ATP6V1C2: variants seen among roughly 807,000 people sequenced by gnomAD.
ATP6V1C2 encodes V-type proton ATPase subunit C 2.
A neutral mutation model predicts 56.8 loss-of-function variants in ATP6V1C2; 45 were observed. The ratio of observed to expected loss-of-function variants is 0.79; its 90% CI spans 0.62 to 1.02. The LOEUF is 1.02. Among genes scored for constraint, ATP6V1C2 ranks in the 50% least tolerant of loss-of-function variants. The probability of loss-of-function intolerance (pLI) is 0.00; values close to 1 mark genes in which losing one functional copy is unlikely to be tolerated. For synonymous variants in ATP6V1C2, 220 were observed against 201.3 expected, an observed-to-expected ratio of 1.09 and a Z score of -0.79; for missense variants, 463 against 519.7, an observed-to-expected ratio of 0.89 and a Z score of 1.06.
chr2:10,777,514 C>A, intron 10 of ATP6V1C2, 71 bp from the exon 11 acceptor site: 3 of 1,567,926 alleles, frequency 1.9e-6, no homozygotes, highest in Non-Finnish European at 8.6e-7. Context: ...GCCTTTCAGG[C>A]GATGAGAATG....
At chr2:10,724,656 TTCA>T (rs1487050206) in intron 2 of ATP6V1C2, among the ~76,000 whole-genome samples, 1 of 148,854 alleles carries the variant, frequency 6.7e-6, no homozygotes, top group Non-Finnish European at 1.5e-5. Flanking sequence ...ATATTCAGGC[TTCA>T]TCATTTCCTA....
intron 6 of ATP6V1C2, among the ~76,000 whole-genome samples, chr2:10,769,846 C>A (rs1344747038): frequency 6.6e-6 from 1 of 152,122 alleles, no homozygotes; most frequent in Non-Finnish European, 1.5e-5. Flanking sequence ...ATGCTGTTGG[C>A]GGTTCTTTGA....
At chr2:10,781,143 G>A (rs1048327414) in intron 12 of ATP6V1C2, among the ~76,000 whole-genome samples, 1 of 152,144 alleles carries the variant, frequency 6.6e-6, no homozygotes, top group Non-Finnish European at 1.5e-5. Context: ...CTGAGGAAAG[G>A]TTAAGGGCTG....
intron 5 of ATP6V1C2, 23 bp downstream of exon 5, chr2:10,764,448 G>C: frequency 6.2e-7 from 1 of 1,604,104 alleles, no homozygotes; most frequent in South Asian, 1.1e-5. Flanking sequence ...ACTGCTCTGG[G>C]GAACAGCTGA....
chr2:10,760,520 G>A (rs1325300345), intron 4 of ATP6V1C2, among the ~76,000 whole-genome samples: 2 of 152,244 alleles, frequency 1.3e-5, no homozygotes, highest in Non-Finnish European at 2.9e-5. Context: ...TTCAGGACAT[G>A]TGAGAGATGA....
In ATP6V1C2 at chr2:10,757,211, C is replaced by T. The variant is rs1318066207; in HGVS notation, c.283+3145C>T. On this transcript the variant is annotated intron_variant, in intron 4 of 13. Transcript: ENST00000272238. ...TATTTTTAGTACAGACTGGGTTTCT[C>T]CACGCTGGCCGGGCTGGTCTTGAAC... Among the ~76,000 whole-genome samples, 8 of 152,100 alleles carry T rather than the reference C, an allele frequency of 5.3e-5. No homozygotes were observed. In the South Asian group the frequency reaches 1.2e-3, roughly 24 times the overall value.
chr2:10,761,089 C>T (rs948512910), intron 4 of ATP6V1C2, among the ~76,000 whole-genome samples: 1 of 152,192 alleles, frequency 6.6e-6, no homozygotes, highest in African/African-American at 2.4e-5. Flanking sequence ...CCAGCAGGGG[C>T]AGGGACAGTT....
intron 3 of ATP6V1C2, among the ~76,000 whole-genome samples, chr2:10,749,130 C>CAAAAAAAAAAAAAAAAAAAAAAAACACA (rs56095492): frequency 1.1e-5 from 1 of 94,778 alleles, no homozygotes; most frequent in African/African-American, 3.8e-5. Context: ...AACTCCGTCT[C>CAAAAAAAAAAAAAAAAAAAAAAAACACA]AAAAAAAAAA....
chr2:10,737,822 T>A (rs1477815687), intron 3 of ATP6V1C2, among the ~76,000 whole-genome samples: 1 of 152,130 alleles, frequency 6.6e-6, no homozygotes, highest in Non-Finnish European at 1.5e-5. Flanking sequence ...GCCTCCTGAG[T>A]AGCTGGGACT....
At chr2:10,733,943 T>G (rs1662111302) in intron 3 of ATP6V1C2, among the ~76,000 whole-genome samples, 2 of 151,906 alleles carry the variant, frequency 1.3e-5, no homozygotes, top group African/African-American at 4.8e-5. Flanking sequence ...CATAGCTGAG[T>G]GTGGATGTCT....
intron 3 of ATP6V1C2, among the ~76,000 whole-genome samples, chr2:10,750,332 C>T (rs1663137880): frequency 6.6e-6 from 1 of 152,038 alleles, no homozygotes; most frequent in Non-Finnish European, 1.5e-5. Context: ...GGCTGGGCAG[C>T]ATGGTGCAAT....
At chr2:10,724,095 A>C (rs1009207192) in intron 2 of ATP6V1C2, among the ~76,000 whole-genome samples, 12 of 152,074 alleles carry the variant, frequency 7.9e-5, no homozygotes, top group Non-Finnish European at 1.3e-4. Context: ...GAGTGGACTT[A>C]CCGTGGTGCT....
At chr2:10,766,763 CAT>C (rs1664245689) in intron 5 of ATP6V1C2, among the ~76,000 whole-genome samples, 1 of 152,060 alleles carries the variant, frequency 6.6e-6, no homozygotes. Context: ...AAATAGTACT[CAT>C]ATAGTTGTAT....
In ATP6V1C2 at chr2:10,784,183, G is replaced by A. The variant is rs1305499797; in HGVS notation, c.*920G>A. Reference sequence around the variant, plus strand: ...ACTGGTAGAGTCATCTGAGTGTAGAGAATGTCCCTTCACTGCTGGAAAAAT... The same window carrying A: ...ACTGGTAGAGTCATCTGAGTGTAGAAAATGTCCCTTCACTGCTGGAAAAAT... On this transcript the variant is annotated 3_prime_UTR_variant, in exon 14 of 14. Transcript: ENST00000272238. 25 of 1,117,536 alleles carry A rather than the reference G, an allele frequency of 2.2e-5. No homozygotes were observed. In the East Asian group the frequency reaches 5.9e-4, roughly 27 times the overall value. The allele number at this position is 1,117,536 out of a possible 1,614,324, so 69.2% of individuals were successfully genotyped here.
intron 2 of ATP6V1C2, among the ~76,000 whole-genome samples, chr2:10,725,213 A>G (rs943692811): frequency 7.9e-5 from 12 of 151,918 alleles, no homozygotes; most frequent in Non-Finnish European, 1.5e-4. Flanking sequence ...CAGGAGTTTG[A>G]GACCAGCATG....
chr2:10,771,603 G>A lies in ATP6V1C2; in HGVS notation c.471-236G>A, dbSNP rs188192909. 2.3e-4 allele frequency among the ~76,000 whole-genome samples: 35 copies of A among 152,336 alleles called. 1 individual carries two copies. The East Asian group carries it at 5.4e-3, about 23-fold the overall frequency. On this transcript the variant is annotated intron_variant, in intron 6 of 13. Coordinates refer to ENST00000272238, the MANE Select transcript of ATP6V1C2 (RefSeq NM_001039362.2). ...GGTGATAGCACCCGAGGCCCTGCCAGCCTCCCTGTCCCTGGAGGGGAGGAG... is the reference window on the plus strand; with the variant it reads ...GGTGATAGCACCCGAGGCCCTGCCAACCTCCCTGTCCCTGGAGGGGAGGAG...
intron 7 of ATP6V1C2, 128 bp downstream of exon 7, chr2:10,772,065 T>G (rs1157485638): frequency 1.3e-6 from 1 of 787,132 alleles, no homozygotes; most frequent in Non-Finnish European, 2.2e-6. Flanking sequence ...AAGCAGTCAT[T>G]CCTTCATGGG....
chr2:10,728,459 A>G (rs1661765617), intron 3 of ATP6V1C2, among the ~76,000 whole-genome samples: 1 of 152,200 alleles, frequency 6.6e-6, no homozygotes, highest in Non-Finnish European at 1.5e-5. Flanking sequence ...TCTTAGAGGT[A>G]GTTTCATATC....
chr2:10,725,397 A>C (rs370204265), intron 2 of ATP6V1C2, among the ~76,000 whole-genome samples: 3 of 151,968 alleles, frequency 2.0e-5, no homozygotes, highest in Non-Finnish European at 4.4e-5. Flanking sequence ...ACAACAACAA[A>C]AAAAACAGAT....
Sources: gnomAD v4.1 joint callset for allele counts (sites outside exome capture counted in the v4.1 genomes callset) on GRCh38, gnomAD v4.1.1 for gene constraint, MANE v1.5 for transcripts, NCBI Gene and HGNC (gene_info 2026-07-23, HGNC 2026-07-21) for gene names.